PDE1C: variants seen among roughly 807,000 people sequenced by gnomAD.
The protein encoded by PDE1C is phosphodiesterase 1C.
In PDE1C, 62 loss-of-function variants were observed where a neutral mutation model predicts 93.1. That is an observed-to-expected ratio of 0.67 (90% CI 0.54 to 0.82). The LOEUF is 0.82. PDE1C is among the 40% of genes least tolerant of loss of function. The probability of loss-of-function intolerance (pLI) is 0.00; values close to 1 mark genes in which losing one functional copy is unlikely to be tolerated. For missense variants in PDE1C, 742 were observed against 884.6 expected (o/e 0.84, Z 2.04); for synonymous variants, 325 against 310.1 (o/e 1.05, Z -0.50).
intron 3 of PDE1C, among the ~76,000 whole-genome samples, chr7:32,094,657 C>T (rs1477235101): frequency 6.6e-6 from 1 of 152,180 alleles, no homozygotes; most frequent in African/African-American, 2.4e-5. Flanking sequence ...TGTGCAAGGA[C>T]CGCCCTCATC....
At chr7:31,727,733 C>T in the PDE1C span, among the ~76,000 whole-genome samples, 3 of 152,196 alleles carry the variant, frequency 2.0e-5, no homozygotes, top group Admixed American at 6.5e-5. Flanking sequence ...GAGATGTGTG[C>T]ATATAAATCA....
At chr7:31,730,536 T>C in the PDE1C span, among the ~76,000 whole-genome samples, 16 of 152,166 alleles carry the variant, frequency 1.1e-4, no homozygotes, top group Non-Finnish European at 2.2e-4. Context: ...CCCTGTGCAG[T>C]ATGGGAAAGA....
At chr7:31,977,715 C>G (rs1811846397) in intron 2 of PDE1C, among the ~76,000 whole-genome samples, 1 of 152,126 alleles carries the variant, frequency 6.6e-6, no homozygotes. Flanking sequence ...AACATGTGCT[C>G]CTTTAGAACA....
chr7:32,203,046 T>A (rs1805134216), intron 2 of PDE1C, among the ~76,000 whole-genome samples: 1 of 152,032 alleles, frequency 6.6e-6, no homozygotes, highest in South Asian at 2.1e-4. Flanking sequence ...TGCATTTCTA[T>A]TAGTTTGACT....
At chr7:31,936,460 A>G (rs1805092639) in intron 2 of PDE1C, among the ~76,000 whole-genome samples, 1 of 152,032 alleles carries the variant, frequency 6.6e-6, no homozygotes, top group Non-Finnish European at 1.5e-5. Context: ...CTAAAAAGTT[A>G]TAACACCTCA....
chr7:31,940,247 C>T (rs1260812933), intron 2 of PDE1C, among the ~76,000 whole-genome samples: 1 of 152,150 alleles, frequency 6.6e-6, no homozygotes, highest in East Asian at 1.9e-4. Context: ...TAGCCCTACC[C>T]AACCAAGCGG....
chr7:32,132,959 C>T (rs1464938858), intron 3 of PDE1C, among the ~76,000 whole-genome samples: 1 of 151,996 alleles, frequency 6.6e-6, no homozygotes, highest in Non-Finnish European at 1.5e-5. Flanking sequence ...GTAAAGAGTG[C>T]TGCCATTTAC....
intron 1 of PDE1C, among the ~76,000 whole-genome samples, chr7:32,225,763 T>C (rs752965399): frequency 6.6e-6 from 1 of 152,202 alleles, no homozygotes; most frequent in Non-Finnish European, 1.5e-5. Flanking sequence ...AGCTGTGTTA[T>C]GAAAGTTGCT....
intron 1 of PDE1C, among the ~76,000 whole-genome samples, chr7:32,334,069 C>T (rs990039294): frequency 6.6e-6 from 1 of 152,048 alleles, no homozygotes; most frequent in African/African-American, 2.4e-5. Context: ...ATAAAATTAA[C>T]CACCAATTAA....
chr7:31,709,423 T>A, the PDE1C span, among the ~76,000 whole-genome samples: 2 of 152,208 alleles, frequency 1.3e-5, no homozygotes, highest in African/African-American at 4.8e-5. Flanking sequence ...AAATGCTCAA[T>A]CCAACTGTAA....
chr7:32,242,812 A>G (rs974650654), intron 1 of PDE1C, among the ~76,000 whole-genome samples: 1 of 152,208 alleles, frequency 6.6e-6, no homozygotes, highest in Non-Finnish European at 1.5e-5. Context: ...CTCCAAAGAC[A>G]ACCCAGTTTT....
chr7:31,810,165 A>T (rs1340711585), intron 15 of PDE1C, among the ~76,000 whole-genome samples: 1 of 152,104 alleles, frequency 6.6e-6, no homozygotes, highest in Non-Finnish European at 1.5e-5. Flanking sequence ...GTTCAACAAT[A>T]TGCCAGTATT....
intron 3 of PDE1C, among the ~76,000 whole-genome samples, chr7:32,131,925 T>C (rs988090287): frequency 6.6e-6 from 1 of 151,876 alleles, no homozygotes; most frequent in Non-Finnish European, 1.5e-5. Context: ...ATAGTGGTAA[T>C]AGTAGTAGTA....
At chr7:31,680,403 T>C in the PDE1C span, among the ~76,000 whole-genome samples, 1 of 152,212 alleles carries the variant, frequency 6.6e-6, no homozygotes, top group African/African-American at 2.4e-5. Flanking sequence ...AAGCCTGTTA[T>C]GGAGTGAAGT....
At chr7:32,080,951 G>C (rs1424018682) in intron 3 of PDE1C, among the ~76,000 whole-genome samples, 1 of 152,164 alleles carries the variant, frequency 6.6e-6, no homozygotes, top group African/African-American at 2.4e-5. Context: ...CTACTCCTGA[G>C]ATATAAACTG....
intron 1 of PDE1C, among the ~76,000 whole-genome samples, chr7:32,384,706 G>A (rs1784593635): frequency 6.6e-6 from 1 of 152,106 alleles, no homozygotes; most frequent in African/African-American, 2.4e-5. Context: ...GGGCAGTAAA[G>A]AACCATAAAG....
rs1239913739 is a variant in PDE1C at position 31,823,077 on chromosome 7, G to T, written c.1578C>A (p.Pro526=). ...INRERWRAKV[P]KEEKAKKEAE... ...GACAGGTCTGTGGCATGTTACCTTT[G>T]GGTACCTTGGCCCTCCATCTCTCCC... is the stretch of plus-strand genomic sequence containing the variant. The change falls in exon 14 of 18, where the codon CCC becomes CCA. Residue 526 remains proline (P), a synonymous_variant. Coordinates refer to ENST00000396191, the MANE Select transcript of PDE1C (RefSeq NM_001191057.4). 6 of 1,608,648 alleles carry T rather than the reference G, an allele frequency of 3.7e-6. No homozygotes were observed. Among genetic ancestry groups the T allele is most frequent in the Non-Finnish European group, 3.4e-6 (4 of 1,177,274 alleles).
At chr7:31,985,809 C>T (rs1783326315) in intron 2 of PDE1C, among the ~76,000 whole-genome samples, 1 of 152,256 alleles carries the variant, frequency 6.6e-6, no homozygotes, top group Middle Eastern at 3.4e-3. Context: ...TTTTCTTAAT[C>T]CAGTCTATCA....
the PDE1C span, among the ~76,000 whole-genome samples, chr7:31,688,072 T>C: frequency 6.6e-6 from 1 of 152,084 alleles, no homozygotes; most frequent in African/African-American, 2.4e-5. Context: ...TCAATTTAGA[T>C]AGACATATAA....
Sources: allele counts gnomAD v4.1 joint callset (sites outside exome capture counted in the v4.1 genomes callset), GRCh38; gene constraint gnomAD v4.1.1; transcripts MANE v1.5; gene names NCBI Gene and HGNC (gene_info 2026-07-23, HGNC 2026-07-21).